The following USH2A variants were observed in gnomAD, a reference collection of about 807,000 sequenced individuals.
USH2A encodes the protein Usher syndrome 2A (autosomal recessive, mild).
Under a neutral mutation model 538.9 loss-of-function variants are expected in USH2A, and 443 were observed. The ratio of observed to expected loss-of-function variants is 0.82; its 90% CI spans 0.76 to 0.89. The LOEUF (loss-of-function observed/expected upper bound fraction) is 0.89. USH2A is among the 40% of genes least tolerant of loss of function. The pLI, the probability that USH2A is intolerant of heterozygous loss-of-function variation, is 0.00. For synonymous variants in USH2A, 2,413 were observed against 2,273.5 expected (o/e 1.06, Z -1.75); for missense variants, 6,633 against 6,324.8 (o/e 1.05, Z -1.65).
intron 47 of USH2A, among the ~76,000 whole-genome samples, chr1:215,835,307 T>C (rs529897359): frequency 1.3e-5 from 2 of 152,058 alleles, no homozygotes; most frequent in South Asian, 2.1e-4. Flanking sequence ...TATCTGGAGG[T>C]ATTTTTTTTG....
intron 14 of USH2A, among the ~76,000 whole-genome samples, chr1:216,229,986 C>A (rs1021708210): frequency 6.6e-6 from 1 of 152,142 alleles, no homozygotes; most frequent in African/African-American, 2.4e-5. Context: ...AAAGCTGAGA[C>A]AATCAGACAT....
chr1:216,121,398 T>G (rs1430998633), intron 21 of USH2A, among the ~76,000 whole-genome samples: 1 of 136,656 alleles, frequency 7.3e-6, no homozygotes, highest in Non-Finnish European at 1.6e-5. Context: ...ATTTAAATTT[T>G]GCTGGTTTTT....
Position 215,671,180 on chromosome 1 carries a change from A to G in USH2A, c.13925T>C (p.Val4642Ala). ...PLMQPPPHLE[V>A]QMAPGGFQPT... ...CTGGAATCCTCCTGGAGCCATTTGT[A>G]CCTCCAGATGTGGAGGGGGTTGCAT... The change falls in exon 64 of 72, where the codon GTA becomes GCA. Residue 4642 changes from valine (V) to alanine (A), a missense_variant. Physicochemically the swap from Val to Ala is moderately conservative, Grantham distance 64 (BLOSUM62 0). Transcript: ENST00000307340. 2 of 1,614,150 alleles carry G rather than the reference A, an allele frequency of 1.2e-6. No homozygotes were observed. Among genetic ancestry groups the G allele is most frequent in the Non-Finnish European group, 1.7e-6 (2 of 1,180,010 alleles).
At chr1:216,293,193 T>C (rs1201558633) in intron 9 of USH2A, among the ~76,000 whole-genome samples, 1 of 151,844 alleles carries the variant, frequency 6.6e-6, no homozygotes, top group Non-Finnish European at 1.5e-5. Context: ...CTTGGCTAAT[T>C]TTTTGTATTT....
At chr1:216,220,436 T>C (rs1054887639) in intron 14 of USH2A, among the ~76,000 whole-genome samples, 1 of 149,512 alleles carries the variant, frequency 6.7e-6, no homozygotes, top group South Asian at 2.2e-4. Flanking sequence ...TAAAGATGTA[T>C]CCAGACTCTA....
rs771634234 is a variant in USH2A at position 215,640,775 on chromosome 1, T to C, written c.14792-41A>G. Reference sequence around the variant, plus strand: ...TGTATGTTCTAAAAAGGGTAACCTCTTTGAAGGAGTGCAGGTGTGCACTTT... The same window carrying C: ...TGTATGTTCTAAAAAGGGTAACCTCCTTGAAGGAGTGCAGGTGTGCACTTT... On this transcript the variant is annotated intron_variant, in intron 67 of 71. Coordinates refer to ENST00000307340, the MANE Select transcript of USH2A (RefSeq NM_206933.4). The C allele has an allele frequency of 3.1e-6, 5 of 1,606,266 alleles. No individual in the cohort carries two copies. In the African/African-American group the frequency reaches 6.8e-5, roughly 22 times the overall value.
At chr1:216,228,591 T>C (rs891975194) in intron 14 of USH2A, among the ~76,000 whole-genome samples, 1 of 152,148 alleles carries the variant, frequency 6.6e-6, no homozygotes, top group Non-Finnish European at 1.5e-5. Context: ...AGCTTTCTTC[T>C]CTCTGCCACC....
intron 64 of USH2A, among the ~76,000 whole-genome samples, chr1:215,654,278 A>C (rs1356922177): frequency 6.6e-6 from 1 of 152,142 alleles, no homozygotes; most frequent in Non-Finnish European, 1.5e-5. Context: ...CCATGAACTC[A>C]TCATTTACAT....
intron 32 of USH2A, among the ~76,000 whole-genome samples, chr1:216,021,566 A>AT (rs1668845587): frequency 6.6e-6 from 1 of 152,056 alleles, no homozygotes; most frequent in Non-Finnish European, 1.5e-5. Flanking sequence ...TGCCCTGAAG[A>AT]TTTTGGTCCC....
At chr1:215,770,159 T>C (rs950561762) in intron 55 of USH2A, among the ~76,000 whole-genome samples, 1 of 152,196 alleles carries the variant, frequency 6.6e-6, no homozygotes, top group African/African-American at 2.4e-5. Flanking sequence ...GGCTTTGTAC[T>C]TTATTTAGCG....
chr1:216,287,989 G>C (rs577529800), intron 11 of USH2A, among the ~76,000 whole-genome samples: 1 of 152,160 alleles, frequency 6.6e-6, no homozygotes, highest in African/African-American at 2.4e-5. Flanking sequence ...ATGTTGGAAA[G>C]AGAGAAGAAG....
chr1:215,754,331 A>G (rs1660721217), intron 58 of USH2A, among the ~76,000 whole-genome samples: 1 of 152,132 alleles, frequency 6.6e-6, no homozygotes, highest in Non-Finnish European at 1.5e-5. Flanking sequence ...TTACCCTTTC[A>G]CTAGTAGGAC....
At chr1:215,703,967 G>A (rs1659108118) in intron 61 of USH2A, among the ~76,000 whole-genome samples, 1 of 152,170 alleles carries the variant, frequency 6.6e-6, no homozygotes, top group South Asian at 2.1e-4. Context: ...GGAATCTCCT[G>A]GTCTGTGGGT....
chr1:216,309,103 A>C (rs181578701), intron 9 of USH2A, among the ~76,000 whole-genome samples: 3 of 152,366 alleles, frequency 2.0e-5, no homozygotes, highest in Non-Finnish European at 2.9e-5. Context: ...GACGATTGTA[A>C]AACCTTCTAT....
At chr1:216,212,925 A>T (rs1444464456) in intron 15 of USH2A, among the ~76,000 whole-genome samples, 1 of 152,080 alleles carries the variant, frequency 6.6e-6, no homozygotes, top group Non-Finnish European at 1.5e-5. Flanking sequence ...TTAGCATCCT[A>T]ATAGAAAAGT....
At chr1:215,682,725 T>C (rs1658278480) in intron 61 of USH2A, among the ~76,000 whole-genome samples, 1 of 147,818 alleles carries the variant, frequency 6.8e-6, no homozygotes, top group South Asian at 2.2e-4. Flanking sequence ...TTACAACAGT[T>C]GTTTTGCTTA....
intron 61 of USH2A, among the ~76,000 whole-genome samples, chr1:215,695,293 C>A (rs1328640259): frequency 6.6e-6 from 1 of 152,170 alleles, no homozygotes; most frequent in Non-Finnish European, 1.5e-5. Flanking sequence ...ACTTTTATTG[C>A]ATTAGGTAGT....
chr1:216,360,985 T>G (rs1218673081), intron 4 of USH2A, among the ~76,000 whole-genome samples: 2 of 152,104 alleles, frequency 1.3e-5, no homozygotes, highest in African/African-American at 4.8e-5. Context: ...GTTGGAGAAC[T>G]ACTAGATATG....
At chr1:216,414,492 G>T (rs986007621) in intron 3 of USH2A, among the ~76,000 whole-genome samples, 1 of 151,842 alleles carries the variant, frequency 6.6e-6, no homozygotes, top group African/African-American at 2.4e-5. Context: ...TTTTCCCCCA[G>T]ATATTTAATT....
Sources: allele counts gnomAD v4.1 joint callset (sites outside exome capture counted in the v4.1 genomes callset), GRCh38; gene constraint gnomAD v4.1.1; transcripts MANE v1.5; gene names NCBI Gene and HGNC (gene_info 2026-07-23, HGNC 2026-07-21).